FGF6: variants seen among roughly 807,000 people sequenced by gnomAD.
The protein encoded by FGF6 is fibroblast growth factor 6.
Under a neutral mutation model 18.4 loss-of-function variants are expected in FGF6, and 14 were observed. The ratio of observed to expected loss-of-function variants is 0.76; its 90% CI spans 0.50 to 1.19. The LOEUF (loss-of-function observed/expected upper bound fraction) is 1.19. FGF6 is among the 50% of genes most tolerant of loss of function. The probability of loss-of-function intolerance (pLI) is 0.00; values close to 1 mark genes in which losing one functional copy is unlikely to be tolerated. For missense variants in FGF6, 266 were observed against 271.6 expected, an observed-to-expected ratio of 0.98 and a Z score of 0.15; for synonymous variants, 125 against 116.7, an observed-to-expected ratio of 1.07 and a Z score of -0.46.
chr12:4,434,424 G>C, intron 2 of FGF6, 33 bp from the exon 3 acceptor site: 1 of 1,611,834 alleles, frequency 6.2e-7, no homozygotes, highest in Non-Finnish European at 8.5e-7. Context: ...GCAGAGACTG[G>C]GTTACAAATG....
At chr12:4,444,825 T>C (rs1275452117) in intron 1 of FGF6, among the ~76,000 whole-genome samples, 1 of 152,176 alleles carries the variant, frequency 6.6e-6, no homozygotes, top group Non-Finnish European at 1.5e-5. Flanking sequence ...CATTTTGCAA[T>C]TGAATTTCCC....
chr12:4,438,951 TA>T (rs1865655516), intron 2 of FGF6, among the ~76,000 whole-genome samples: 3 of 152,076 alleles, frequency 2.0e-5, no homozygotes, highest in African/African-American at 7.2e-5. Context: ...TGTGATTTTT[TA>T]AAAAAGATGA....
At chr12:4,435,780 G>T (rs1169887323) in intron 2 of FGF6, among the ~76,000 whole-genome samples, 1 of 152,166 alleles carries the variant, frequency 6.6e-6, no homozygotes, top group Non-Finnish European at 1.5e-5. Flanking sequence ...TGGACTTCCT[G>T]TCTCGCATGC....
chr12:4,441,240 G>C (rs1865686325), intron 2 of FGF6, among the ~76,000 whole-genome samples: 1 of 152,200 alleles, frequency 6.6e-6, no homozygotes, highest in Non-Finnish European at 1.5e-5. Context: ...AGAGAGCAGA[G>C]ATCCAGGCCC....
At chr12:4,440,098 A>T (rs1003914954) in intron 2 of FGF6, among the ~76,000 whole-genome samples, 1 of 152,258 alleles carries the variant, frequency 6.6e-6, no homozygotes, top group Non-Finnish European at 1.5e-5. Flanking sequence ...CGCCATGTTC[A>T]TAAAAGCAGC....
chr12:4,444,235 G>A lies in FGF6; in HGVS notation c.348C>T (p.Ser116=), dbSNP rs771531962. 3.1e-6 allele frequency: 5 copies of A among 1,609,696 alleles called. No individual in the cohort carries two copies. The highest frequency in any genetic ancestry group is 2.2e-5 in the East Asian group (1 of 44,846). Residue 116 remains serine (S), a splice_region_variant and synonymous_variant, in exon 2 of 3, where the codon AGC becomes AGT. Coordinates refer to ENST00000228837, the MANE Select transcript of FGF6 (RefSeq NM_020996.3). ...ISGTHEENPY[S]LLEISTVERG... is the part of the protein sequence containing the mutation. ...GCTCCACAGTGGAAATTTCCAGCAG[G>A]CCTGACAAGGAAAGGGGGGCCACAT...
intron 1 of FGF6, among the ~76,000 whole-genome samples, chr12:4,444,848 G>C (rs1285777692): frequency 6.6e-6 from 1 of 152,174 alleles, no homozygotes; most frequent in East Asian, 1.9e-4. Context: ...CCTTCTCCAA[G>C]AAAGAAGCTG....
chr12:4,442,229 G>A (rs557760381), intron 2 of FGF6, among the ~76,000 whole-genome samples: 1 of 152,188 alleles, frequency 6.6e-6, no homozygotes, highest in South Asian at 2.1e-4. Context: ...TGAGGGCTGG[G>A]GGTGGGGTGG....
chr12:4,438,404 T>C (rs972791679), intron 2 of FGF6, among the ~76,000 whole-genome samples: 4 of 152,166 alleles, frequency 2.6e-5, no homozygotes, highest in Non-Finnish European at 5.9e-5. Context: ...ATCTTACTGA[T>C]ATATTCCCAC....
intron 2 of FGF6, 128 bp downstream of exon 2, chr12:4,444,005 C>T: frequency 1.6e-6 from 1 of 632,004 alleles, no homozygotes. Context: ...CTTTCACAGG[C>T]TCCTCTCACA....
At chr12:4,441,824 G>A (rs2137029805) in intron 2 of FGF6, among the ~76,000 whole-genome samples, 1 of 152,246 alleles carries the variant, frequency 6.6e-6, no homozygotes, top group South Asian at 2.1e-4. Flanking sequence ...CCTGGCTCCG[G>A]GGATCAGTTG....
chr12:4,441,132 A>G (rs1042512667), intron 2 of FGF6, among the ~76,000 whole-genome samples: 1 of 152,224 alleles, frequency 6.6e-6, no homozygotes, highest in Non-Finnish European at 1.5e-5. Context: ...AAAGGATTCT[A>G]ATAGAACCAC....
At chr12:4,434,501 C>T (rs1206859399) in intron 2 of FGF6, 110 bp from the exon 3 acceptor site, 2 of 972,024 alleles carry the variant, frequency 2.1e-6, no homozygotes, top group Non-Finnish European at 1.6e-6. Context: ...CTTCCCTTCT[C>T]TTTGTGAGAC....
At chr12:4,438,685 G>A (rs559660067) in intron 2 of FGF6, among the ~76,000 whole-genome samples, 110 of 150,426 alleles carry the variant, frequency 7.3e-4, no homozygotes, top group African/African-American at 2.5e-3. Flanking sequence ...CTCTTGGACC[G>A]GGGAGGTGGA....
At chr12:4,437,847 AAAG>A (rs1382908577) in intron 2 of FGF6, among the ~76,000 whole-genome samples, 2 of 152,208 alleles carry the variant, frequency 1.3e-5, no homozygotes, top group Non-Finnish European at 2.9e-5. Context: ...TGTAAAAAAA[AAAG>A]AACCATTAAA....
At chr12:4,437,224 G>A (rs1051219054) in intron 2 of FGF6, among the ~76,000 whole-genome samples, 5 of 152,186 alleles carry the variant, frequency 3.3e-5, no homozygotes, top group Middle Eastern at 3.2e-3. Context: ...AAACAAATTA[G>A]TAGTACTAGT....
At chr12:4,436,877 G>C (rs757815970) in intron 2 of FGF6, among the ~76,000 whole-genome samples, 9 of 152,202 alleles carry the variant, frequency 5.9e-5, no homozygotes, top group Non-Finnish European at 1.0e-4. Context: ...TGCCACACCG[G>C]GGGGTGGGTT....
At chr12:4,435,906 G>A (rs1865622669) in intron 2 of FGF6, among the ~76,000 whole-genome samples, 1 of 152,136 alleles carries the variant, frequency 6.6e-6, no homozygotes, top group African/African-American at 2.4e-5. Flanking sequence ...AAGCAGCTGG[G>A]TCGGGGCTAG....
In FGF6 at chr12:4,444,166, A is replaced by G. The variant is rs2241280; in HGVS notation, c.417T>C (p.Val139=). 662,569 of 1,610,140 alleles carry G rather than the reference A, an allele frequency of 0.41. 139,148 individuals carry two copies. The highest frequency in any genetic ancestry group is 0.57 in the African/African-American group (42,307 of 74,854). ...SLFGVRSALF[V]AMNSKGRLYA... ...ACAATCTTCCTTTACTGTTCATGGC[A>G]ACGAAGAGGGCACTTCTCACTCCAA... The change falls in exon 2 of 3, where the codon GTT becomes GTC. Residue 139 remains valine, a synonymous_variant. Coordinates refer to ENST00000228837, the MANE Select transcript of FGF6 (RefSeq NM_020996.3).
Sources: allele counts gnomAD v4.1 joint callset (sites outside exome capture counted in the v4.1 genomes callset), GRCh38; gene constraint gnomAD v4.1.1; transcripts MANE v1.5; gene names NCBI Gene and HGNC (gene_info 2026-07-23, HGNC 2026-07-21).